Variants in SYNPR observed in about 807,000 individuals in gnomAD.
The protein encoded by SYNPR is synaptoporin.
Under a neutral mutation model 32.9 loss-of-function variants are expected in SYNPR, and 23 were observed. The ratio of observed to expected loss-of-function variants is 0.70; its 90% CI spans 0.50 to 0.99. The LOEUF is 0.99. Ranked by LOEUF, SYNPR falls within the 50% of genes least tolerant of loss-of-function variation. The pLI is 0.00. For synonymous variants in SYNPR, 146 were observed against 135.9 expected (o/e 1.07, Z -0.52); for missense variants, 318 against 349.3 (o/e 0.91, Z 0.71).
In SYNPR at chr3:63,403,131, G is replaced by C. The variant is rs1215619700; in HGVS notation, c.85-77701G>C. 5.3e-5 allele frequency among the ~76,000 whole-genome samples: 8 copies of C among 152,214 alleles called. No individual in the cohort carries two copies. In the East Asian group the frequency reaches 1.5e-3, roughly 29 times the overall value. Reference sequence around the variant, plus strand: ...TCCACATTCTGCCATTAATTCTGTAGTTCCTCCCACTAAAGCGTATTTTCT... The same window carrying C: ...TCCACATTCTGCCATTAATTCTGTACTTCCTCCCACTAAAGCGTATTTTCT... On this transcript the variant is annotated intron_variant, in intron 2 of 5. Coordinates refer to ENST00000478300, the MANE Select transcript of SYNPR (RefSeq NM_001130003.2).
At chr3:63,393,275 C>A (rs2088163948) in intron 2 of SYNPR, among the ~76,000 whole-genome samples, 1 of 152,064 alleles carries the variant, frequency 6.6e-6, no homozygotes, top group East Asian at 1.9e-4. Context: ...CAGTCTCATA[C>A]ATGTCTCATT....
At chr3:63,433,824 G>T (rs957482231) in intron 2 of SYNPR, among the ~76,000 whole-genome samples, 4 of 152,180 alleles carry the variant, frequency 2.6e-5, no homozygotes, top group African/African-American at 9.7e-5. Flanking sequence ...TCATAGGGAT[G>T]CAGAAACACC....
chr3:63,322,455 TGTGA>T (rs1029153291), intron 2 of SYNPR, among the ~76,000 whole-genome samples: 40 of 152,170 alleles, frequency 2.6e-4, no homozygotes, highest in African/African-American at 8.4e-4. Context: ...CATAGTTTAG[TGTGA>T]GTAAGTCAGG....
chr3:63,515,453 A>C (rs1370596130), intron 3 of SYNPR, among the ~76,000 whole-genome samples: 1 of 152,134 alleles, frequency 6.6e-6, no homozygotes, highest in African/African-American at 2.4e-5. Context: ...GAAGCCTCAC[A>C]TCACCCTAAT....
intron 3 of SYNPR, among the ~76,000 whole-genome samples, chr3:63,514,179 C>G (rs1276461674): frequency 6.6e-6 from 1 of 152,156 alleles, no homozygotes; most frequent in Non-Finnish European, 1.5e-5. Flanking sequence ...GTGCATTAGA[C>G]TTTTTCTCAT....
intron 4 of SYNPR, among the ~76,000 whole-genome samples, chr3:63,597,917 C>A (rs1699984978): frequency 6.6e-6 from 1 of 152,190 alleles, no homozygotes; most frequent in Non-Finnish European, 1.5e-5. Flanking sequence ...GCTCTGCCCC[C>A]AGCTGAGCTG....
chr3:63,220,894 A>G, the SYNPR span, among the ~76,000 whole-genome samples: 3 of 152,186 alleles, frequency 2.0e-5, no homozygotes, highest in Non-Finnish European at 2.9e-5. Flanking sequence ...ACTTAGTGTT[A>G]TTTGGTCTTT....
intron 2 of SYNPR, among the ~76,000 whole-genome samples, chr3:63,450,006 C>G (rs1159025078): frequency 6.6e-6 from 1 of 152,116 alleles, no homozygotes; most frequent in Non-Finnish European, 1.5e-5. Flanking sequence ...TATACTATTT[C>G]ATGGGGAAAA....
At chr3:63,586,869 C>T (rs1262251526) in intron 4 of SYNPR, among the ~76,000 whole-genome samples, 2 of 151,910 alleles carry the variant, frequency 1.3e-5, no homozygotes, top group African/African-American at 4.8e-5. Context: ...TTCTCCTACG[C>T]AAAACTTCAG....
intron 2 of SYNPR, among the ~76,000 whole-genome samples, chr3:63,293,485 T>G (rs1217896050): frequency 6.6e-6 from 1 of 152,222 alleles, no homozygotes; most frequent in East Asian, 1.9e-4. Flanking sequence ...TTTACGTTCA[T>G]GAATGTTTTG....
intron 4 of SYNPR, among the ~76,000 whole-genome samples, chr3:63,588,963 C>T (rs1230714138): frequency 2.6e-5 from 4 of 152,074 alleles, no homozygotes; most frequent in Admixed American, 6.6e-5. Context: ...GCAGTCTTCT[C>T]CTCATGCTAA....
intron 1 of SYNPR, among the ~76,000 whole-genome samples, chr3:63,235,040 C>T (rs1056510487): frequency 6.6e-6 from 1 of 152,132 alleles, no homozygotes; most frequent in African/African-American, 2.4e-5. Context: ...GATATTGATA[C>T]CATCTACTTA....
intron 3 of SYNPR, among the ~76,000 whole-genome samples, chr3:63,496,644 G>A (rs932440015): frequency 1.3e-5 from 2 of 151,996 alleles, no homozygotes. Context: ...TTCCTAATAT[G>A]GAATACTACA....
the SYNPR span, among the ~76,000 whole-genome samples, chr3:63,207,430 G>A: frequency 6.6e-6 from 1 of 152,150 alleles, no homozygotes; most frequent in African/African-American, 2.4e-5. Context: ...GCTCATGAAG[G>A]TATTGTCACC....
intron 2 of SYNPR, among the ~76,000 whole-genome samples, chr3:63,298,490 C>T (rs2086813266): frequency 6.6e-6 from 1 of 152,102 alleles, no homozygotes; most frequent in South Asian, 2.1e-4. Context: ...AAAACCAATA[C>T]AAGAGCCTAT....
At chr3:63,366,469 C>A (rs2087730593) in intron 2 of SYNPR, among the ~76,000 whole-genome samples, 1 of 151,932 alleles carries the variant, frequency 6.6e-6, no homozygotes, top group Non-Finnish European at 1.5e-5. Context: ...AGCATAATTT[C>A]ATATAAAGTA....
Position 63,559,773 on chromosome 3 carries a change from A to G in SYNPR, c.408+3032A>G, listed in dbSNP as rs72887398. 3.4e-3 allele frequency among the ~76,000 whole-genome samples: 513 copies of G among 151,894 alleles called. 4 individuals carry two copies. Among genetic ancestry groups the G allele is most frequent in the African/African-American group, 0.012 (485 of 41,378 alleles). Reference sequence around the variant, plus strand: ...ATTTCAAAATATCTTTAACAGAGTCACCAAACTTGGGCTTATCCCCACCAT... The same window carrying G: ...ATTTCAAAATATCTTTAACAGAGTCGCCAAACTTGGGCTTATCCCCACCAT... On this transcript the variant is annotated intron_variant, in intron 4 of 5. Transcript: ENST00000478300.
intron 3 of SYNPR, among the ~76,000 whole-genome samples, chr3:63,529,680 G>A (rs776755670): frequency 4.6e-5 from 7 of 152,188 alleles, no homozygotes; most frequent in South Asian, 2.1e-4. Flanking sequence ...GAATATATTA[G>A]TAAATGGATT....
intron 3 of SYNPR, among the ~76,000 whole-genome samples, chr3:63,498,732 G>A (rs6798371): frequency 0.19 from 28,473 of 151,996 alleles, 2,801 homozygotes; most frequent in African/African-American, 0.22. Context: ...GCAGTGAGGC[G>A]GGGAGGAGCC....
Sources: allele counts gnomAD v4.1 joint callset (sites outside exome capture counted in the v4.1 genomes callset), GRCh38; gene constraint gnomAD v4.1.1; transcripts MANE v1.5; gene names NCBI Gene and HGNC (gene_info 2026-07-23, HGNC 2026-07-21).